AGBL4: variants seen among roughly 807,000 people sequenced by gnomAD.
AGBL4 encodes AGBL carboxypeptidase 4, also known as cytosolic carboxypeptidase 6.
In AGBL4, 58 loss-of-function variants were observed where a neutral mutation model predicts 66.4. The observed-to-expected ratio is 0.87, with a 90% confidence interval of 0.71 to 1.09. The LOEUF (loss-of-function observed/expected upper bound fraction) is 1.09. AGBL4 is among the 50% of genes least tolerant of loss of function. The probability of loss-of-function intolerance (pLI) is 0.00; values close to 1 mark genes in which losing one functional copy is unlikely to be tolerated. For synonymous variants in AGBL4, 234 were observed against 222.9 expected, an observed-to-expected ratio of 1.05 and a Z score of -0.44; for missense variants, 579 against 631.0, an observed-to-expected ratio of 0.92 and a Z score of 0.88.
chr1:48,986,041 T>C (rs1187441192), intron 5 of AGBL4, among the ~76,000 whole-genome samples: 1 of 151,918 alleles, frequency 6.6e-6, no homozygotes, highest in African/African-American at 2.4e-5. Context: ...AAATGGCAAA[T>C]TAGATATTGC....
At chr1:49,920,849 A>G (rs748456881) in intron 1 of AGBL4, among the ~76,000 whole-genome samples, 14 of 152,244 alleles carry the variant, frequency 9.2e-5, no homozygotes, top group Non-Finnish European at 2.1e-4. Flanking sequence ...TCCACTGTCC[A>G]TCAATGAAAG....
intron 3 of AGBL4, among the ~76,000 whole-genome samples, chr1:49,249,899 A>G (rs1202437520): frequency 1.3e-5 from 2 of 152,354 alleles, no homozygotes; most frequent in South Asian, 2.1e-4. Context: ...TATTCAAAAA[A>G]CAAATTAAAT....
At chr1:49,996,548 A>G (rs1660381817) in intron 1 of AGBL4, among the ~76,000 whole-genome samples, 1 of 152,194 alleles carries the variant, frequency 6.6e-6, no homozygotes, top group African/African-American at 2.4e-5. Flanking sequence ...CAAAGCCTCC[A>G]AGAAGTCTGG....
intron 6 of AGBL4, among the ~76,000 whole-genome samples, chr1:48,779,045 C>A (rs1328482712): frequency 6.6e-6 from 1 of 152,152 alleles, no homozygotes; most frequent in East Asian, 1.9e-4. Flanking sequence ...TTGGACTGAT[C>A]CTCAGTGAGT....
At chr1:49,726,255 T>C (rs1649026012) in intron 2 of AGBL4, among the ~76,000 whole-genome samples, 1 of 152,142 alleles carries the variant, frequency 6.6e-6, no homozygotes, top group Admixed American at 6.6e-5. Flanking sequence ...AATGGCATAA[T>C]TTAAAAGTGG....
chr1:49,603,929 TAC>T (rs60862640), intron 3 of AGBL4, among the ~76,000 whole-genome samples: 8,101 of 140,460 alleles, frequency 0.058, 246 homozygotes, highest in East Asian at 0.1. Flanking sequence ...TTCCATGGTA[TAC>T]ACACACACAC....
chr1:49,390,038 T>G (rs901658345), intron 3 of AGBL4, among the ~76,000 whole-genome samples: 2 of 152,248 alleles, frequency 1.3e-5, no homozygotes, highest in South Asian at 4.1e-4. Context: ...CCCAGTTAAA[T>G]ACATTTGAAT....
chr1:49,838,765 T>G (rs1645915612), intron 2 of AGBL4, among the ~76,000 whole-genome samples: 1 of 152,176 alleles, frequency 6.6e-6, no homozygotes, highest in Non-Finnish European at 1.5e-5. Context: ...GTTCTGGTTA[T>G]CACTAGAAAA....
intron 4 of AGBL4, among the ~76,000 whole-genome samples, chr1:49,069,841 A>T (rs1644565236): frequency 6.6e-6 from 1 of 151,714 alleles, no homozygotes; most frequent in Non-Finnish European, 1.5e-5. Context: ...CATTTTCACG[A>T]TATTGATTCT....
intron 5 of AGBL4, among the ~76,000 whole-genome samples, chr1:48,940,011 A>G (rs920242056): frequency 8.5e-5 from 13 of 152,184 alleles, no homozygotes; most frequent in African/African-American, 2.9e-4. Context: ...CTGGCGCAAA[A>G]TGTCGATAGT....
At chr1:49,506,074 G>T (rs193219853) in intron 3 of AGBL4, among the ~76,000 whole-genome samples, 1 of 151,562 alleles carries the variant, frequency 6.6e-6, no homozygotes, top group Admixed American at 6.6e-5. Context: ...GGATAATATT[G>T]TATCTCTCTC....
At chr1:48,729,920 C>G (rs1430862486) in intron 6 of AGBL4, among the ~76,000 whole-genome samples, 2 of 152,188 alleles carry the variant, frequency 1.3e-5, no homozygotes, top group Non-Finnish European at 2.9e-5. Context: ...GTAGGAGGCC[C>G]TGTCTCTCCA....
At chr1:49,797,383 T>C (rs1644756505) in intron 2 of AGBL4, among the ~76,000 whole-genome samples, 1 of 152,192 alleles carries the variant, frequency 6.6e-6, no homozygotes, top group South Asian at 2.1e-4. Context: ...GATAAATAGG[T>C]ACATTAGTTA....
At chr1:49,210,731 T>C (rs1175147487) in intron 4 of AGBL4, among the ~76,000 whole-genome samples, 3 of 152,058 alleles carry the variant, frequency 2.0e-5, no homozygotes, top group African/African-American at 7.2e-5. Flanking sequence ...CCTTCCCTTA[T>C]AAAATATCTT....
intron 5 of AGBL4, among the ~76,000 whole-genome samples, chr1:49,009,376 G>T (rs1662176228): frequency 6.6e-6 from 1 of 150,972 alleles, no homozygotes; most frequent in Admixed American, 6.6e-5. Flanking sequence ...TGAAATTGTG[G>T]CAATAATCAA....
At chr1:48,795,546 G>A (rs982628553) in intron 6 of AGBL4, among the ~76,000 whole-genome samples, 3 of 152,066 alleles carry the variant, frequency 2.0e-5, no homozygotes, top group African/African-American at 7.2e-5. Context: ...GCATACTAGA[G>A]TACAGTATCA....
chr1:49,582,352 C>CT (rs1021562564), intron 3 of AGBL4, among the ~76,000 whole-genome samples: 34 of 152,282 alleles, frequency 2.2e-4, no homozygotes, highest in African/African-American at 8.2e-4. Flanking sequence ...CTGGTCCCAG[C>CT]TGTCACAGCC....
At chr1:49,142,477 T>C (rs1308733430) in intron 4 of AGBL4, among the ~76,000 whole-genome samples, 1 of 152,232 alleles carries the variant, frequency 6.6e-6, no homozygotes, top group African/African-American at 2.4e-5. Flanking sequence ...ACTTTCTGCA[T>C]ATATAAAATG....
chr1:48,754,010 T>C (rs1253530784), intron 6 of AGBL4, among the ~76,000 whole-genome samples: 1 of 152,216 alleles, frequency 6.6e-6, no homozygotes, highest in Non-Finnish European at 1.5e-5. Context: ...GTGTGCATCC[T>C]GAAGGCAAGG....
Sources: allele counts gnomAD v4.1 joint callset (sites outside exome capture counted in the v4.1 genomes callset), GRCh38; gene constraint gnomAD v4.1.1; transcripts MANE v1.5; gene names NCBI Gene and HGNC (gene_info 2026-07-23, HGNC 2026-07-21).